WRN: variants seen among roughly 807,000 people sequenced by gnomAD.
WRN encodes WRN RecQ like helicase, also known as bifunctional 3'-5' exonuclease/ATP-dependent helicase WRN.
A neutral mutation model predicts 180.7 loss-of-function variants in WRN; 149 were observed. The observed-to-expected ratio is 0.82, with a 90% CI of 0.72 to 0.94. The LOEUF (loss-of-function observed/expected upper bound fraction) is 0.94. Among genes scored for constraint, WRN ranks in the 40% least tolerant of loss-of-function variants. The pLI is 0.00. For synonymous variants in WRN, 548 were observed against 568.9 expected (o/e 0.96, Z 0.52); for missense variants, 1,661 against 1,700.1 (o/e 0.98, Z 0.40).
chr8:31,096,750 T>A lies in WRN; in HGVS notation c.1899-18T>A. 6.3e-7 allele frequency: 1 copy of A among 1,584,174 alleles called. No individual in the cohort carries two copies. The highest frequency in any genetic ancestry group is 8.6e-7 in the Non-Finnish European group (1 of 1,164,488). ...CCTGTTTTTTTTTTTTTCTTTTTTC[T>A]TTTGTTTGTTTTTACAGAGGTAAAT... On this transcript the variant is annotated intron_variant, in intron 16 of 34. Transcript: ENST00000298139.
intron 10 of WRN, 49 bp downstream of exon 10, chr8:31,083,828 A>G (rs760769284): frequency 7.6e-7 from 1 of 1,321,078 alleles, no homozygotes; most frequent in Non-Finnish European, 1.1e-6. Context: ...TCCAAAGGAC[A>G]TTTAATTAAG....
intron 24 of WRN, among the ~76,000 whole-genome samples, chr8:31,138,094 C>T (rs1370843664): frequency 6.6e-6 from 1 of 151,562 alleles, no homozygotes; most frequent in Non-Finnish European, 1.5e-5. Flanking sequence ...AAAGAGAGAC[C>T]CTGTCTCCAA....
At chr8:31,083,582 T>C in intron 9 of WRN, 117 bp from the exon 10 acceptor site, 1 of 636,092 alleles carries the variant, frequency 1.6e-6, no homozygotes, top group African/African-American at 1.8e-5. Flanking sequence ...ATATTATATA[T>C]CCATTAGGGA....
At chr8:31,123,094 C>G (rs1047560990) in intron 21 of WRN, among the ~76,000 whole-genome samples, 2 of 151,756 alleles carry the variant, frequency 1.3e-5, no homozygotes, top group African/African-American at 4.8e-5. Context: ...TCAGTGGTGG[C>G]TTTGAGTACT....
At chr8:31,064,097 T>G (rs921273770) in intron 3 of WRN, among the ~76,000 whole-genome samples, 192 bp from the exon 4 acceptor site, 36 of 152,212 alleles carry the variant, frequency 2.4e-4, no homozygotes, top group Admixed American at 2.4e-3. Context: ...ATTTTTCTGC[T>G]GAATAATTTG....
intron 17 of WRN, among the ~76,000 whole-genome samples, chr8:31,099,088 G>C (rs1563349835): frequency 6.6e-6 from 1 of 151,558 alleles, no homozygotes; most frequent in Non-Finnish European, 1.5e-5. Context: ...GAGAGAGAGA[G>C]AAGGAAGGAA....
At position 31,132,519 on chromosome 8, in the gene WRN, C is replaced by T; in HGVS notation, c.2967+13C>T. 1 of 1,614,066 alleles carries T rather than the reference C, an allele frequency of 6.2e-7. No individual in the cohort carries two copies. Among genetic ancestry groups the T allele is most frequent in the Non-Finnish European group, 8.5e-7 (1 of 1,180,002 alleles). On this transcript the variant is annotated intron_variant, in intron 24 of 34. Coordinates refer to ENST00000298139, the MANE Select transcript of WRN (RefSeq NM_000553.6). ...TCTCCGAGGATCTGTAAGTATATAT[C>T]TGTGAATTCCCTTCATAGATCTTCT...
intron 7 of WRN, among the ~76,000 whole-genome samples, chr8:31,069,909 C>T (rs563788366): frequency 6.6e-6 from 1 of 151,996 alleles, no homozygotes; most frequent in African/African-American, 2.4e-5. Flanking sequence ...GTTACATGTG[C>T]AATTTTGATG....
At chr8:31,064,040 G>A (rs1434910992) in intron 3 of WRN, among the ~76,000 whole-genome samples, 1 of 151,850 alleles carries the variant, frequency 6.6e-6, no homozygotes, top group Non-Finnish European at 1.5e-5. Flanking sequence ...TGGATTTATT[G>A]GTCATTTGGA....
At chr8:31,100,780 G>A in intron 17 of WRN, 69 bp from the exon 18 acceptor site, 1 of 1,261,370 alleles carries the variant, frequency 7.9e-7, no homozygotes, top group Middle Eastern at 2.3e-4. Context: ...CTCCTTTGGA[G>A]ATGTAGATGA....
chr8:31,137,193 C>T (rs1402313150), intron 24 of WRN, among the ~76,000 whole-genome samples: 2 of 151,546 alleles, frequency 1.3e-5, no homozygotes, highest in Non-Finnish European at 2.9e-5. Context: ...GCCATGGAAA[C>T]AAGACAATGT....
At position 31,120,317 on chromosome 8, in the gene WRN, T is replaced by G. The variant is rs1801674895; in HGVS notation, c.2523T>G (p.Ala841=). ...ADIRQVIHYG[A]PKDMESYYQE... is the part of the protein sequence containing the mutation. ...TTCGCCAAGTCATTCATTACGGTGC[T>G]CCTAAGGACATGGAATCATATTATC... The change falls in exon 21 of 35, where the codon GCT becomes GCG. Residue 841 remains alanine, a synonymous_variant. Transcript: ENST00000298139. The G allele has an allele frequency of 1.2e-6, 2 of 1,613,086 alleles. No individual in the cohort carries two copies. Among genetic ancestry groups the G allele is most frequent in the Non-Finnish European group, 1.7e-6 (2 of 1,179,212 alleles).
intron 33 of WRN, among the ~76,000 whole-genome samples, chr8:31,162,713 G>A (rs996856178): frequency 3.9e-5 from 6 of 152,188 alleles, no homozygotes; most frequent in Non-Finnish European, 7.3e-5. Flanking sequence ...ATGGCATGAT[G>A]TCACTAGGTG....
chr8:31,056,969 CT>C lies in WRN; in HGVS notation c.-76-1402del, dbSNP rs764926814. Among the ~76,000 whole-genome samples the C allele has an allele frequency of 1.5e-3, 225 of 152,122 alleles. 2 individuals are homozygous for C. Among genetic ancestry groups the C allele is most frequent in the Non-Finnish European group, 9.0e-4 (61 of 67,980 alleles). On this transcript the variant is annotated intron_variant, in intron 1 of 34. Transcript: ENST00000298139. ...AACTTTGGTGGAGATCTTGCAGTCT[CT>C]CTCCCCCAGTGGTGAAAGAATGAGT...
At chr8:31,069,381 T>C (rs1735408716) in intron 7 of WRN, among the ~76,000 whole-genome samples, 1 of 152,170 alleles carries the variant, frequency 6.6e-6, no homozygotes, top group Admixed American at 6.5e-5. Flanking sequence ...TCAGAGGTCT[T>C]GTGGCTGTAA....
intron 16 of WRN, among the ~76,000 whole-genome samples, chr8:31,094,900 G>A (rs1259095081): frequency 1.3e-5 from 2 of 152,092 alleles, no homozygotes; most frequent in African/African-American, 4.8e-5. Context: ...CTTTTTGGCT[G>A]TTATGAATAA....
At chr8:31,134,651 A>T (rs75731844) in intron 24 of WRN, among the ~76,000 whole-genome samples, 2,423 of 152,350 alleles carry the variant, frequency 0.016, 54 homozygotes, top group African/African-American at 0.055. Flanking sequence ...TAACTGACAG[A>T]TTAAGTGAAA....
chr8:31,089,653 C>G (rs1197584327), intron 13 of WRN, among the ~76,000 whole-genome samples: 2 of 151,908 alleles, frequency 1.3e-5, no homozygotes, highest in Non-Finnish European at 2.9e-5. Context: ...CACCCTGTGG[C>G]CAGCACTTAG....
At position 31,175,672 on chromosome 8, in the gene WRN, T is replaced by C. The variant is rs1253658239; in HGVS notation, c.*2570T>C. Reference sequence around the variant, plus strand: ...TTAAAATACTCTTCTCTTTTCCAACTACGTGCCTGTGCAAAGTCAGATTTT... The same window carrying C: ...TTAAAATACTCTTCTCTTTTCCAACCACGTGCCTGTGCAAAGTCAGATTTT... On this transcript the variant is annotated 3_prime_UTR_variant, in exon 35 of 35. Transcript: ENST00000298139. Among the ~76,000 whole-genome samples the C allele has an allele frequency of 6.6e-6, 1 of 152,192 alleles. No individual in the cohort carries two copies. The highest frequency in any genetic ancestry group is 1.5e-5 in the Non-Finnish European group (1 of 68,036).
Sources: gnomAD v4.1 joint callset for allele counts (sites outside exome capture counted in the v4.1 genomes callset) on GRCh38, gnomAD v4.1.1 for gene constraint, MANE v1.5 for transcripts, NCBI Gene and HGNC (gene_info 2026-07-23, HGNC 2026-07-21) for gene names.